Variants in RAB7B observed in about 807,000 individuals in gnomAD.
RAB7B encodes ras-related protein Rab-7b.
intron 4 of RAB7B, among the ~76,000 whole-genome samples, chr1:205,989,674 G>A (rs1204054066): frequency 6.6e-6 from 1 of 151,832 alleles, no homozygotes; most frequent in Non-Finnish European, 1.5e-5. Flanking sequence ...CGCCACCCCA[G>A]CCCTGGCCCT....
At chr1:205,982,084 C>A (rs917177164) in intron 5 of RAB7B, among the ~76,000 whole-genome samples, 2 of 152,370 alleles carry the variant, frequency 1.3e-5, no homozygotes, top group South Asian at 4.1e-4. Context: ...ATATTGCTCT[C>A]TTTACTACAA....
intron 4 of RAB7B, among the ~76,000 whole-genome samples, chr1:205,991,679 T>C (rs1660723751): frequency 6.6e-6 from 1 of 152,208 alleles, no homozygotes. Flanking sequence ...ATTTGAACCA[T>C]TGTGAAAATG....
At position 206,000,898 on chromosome 1, in the gene RAB7B, G is replaced by A. The variant is rs951145768; in HGVS notation, c.-17+2355C>T. Among the ~76,000 whole-genome samples, 10 of 152,342 alleles carry A rather than the reference G, an allele frequency of 6.6e-5. No homozygotes were observed. The South Asian group carries it at 1.0e-3, about 16-fold the overall frequency. On this transcript the variant is annotated intron_variant, in intron 1 of 5. Coordinates refer to ENST00000617070, the MANE Select transcript of RAB7B (RefSeq NM_001164522.3). Reference sequence around the variant, plus strand: ...CCCATGGAGCTGCCTCCCGCTCCTAGGAGTATTTCTCCTGAGGGCCACACA... The same window carrying A: ...CCCATGGAGCTGCCTCCCGCTCCTAAGAGTATTTCTCCTGAGGGCCACACA...
At chr1:205,980,647 A>G (rs1660473734) in intron 5 of RAB7B, among the ~76,000 whole-genome samples, 1 of 152,174 alleles carries the variant, frequency 6.6e-6, no homozygotes, top group African/African-American at 2.4e-5. Context: ...AGCTGCTGTG[A>G]TTCACTGAGC....
intron 4 of RAB7B, among the ~76,000 whole-genome samples, chr1:205,985,940 G>A (rs1167054919): frequency 2.0e-5 from 3 of 151,202 alleles, no homozygotes; most frequent in Middle Eastern, 3.4e-3. Flanking sequence ...ATGAAAAAAC[G>A]GAGGCCTGGA....
At chr1:205,993,001 C>G (rs1272145443) in intron 3 of RAB7B, among the ~76,000 whole-genome samples, 1 of 152,188 alleles carries the variant, frequency 6.6e-6, no homozygotes, top group Non-Finnish European at 1.5e-5. Flanking sequence ...TCGGGAATGT[C>G]TTGCCTAAGA....
At chr1:205,994,653 G>A (rs1010630308) in intron 1 of RAB7B, among the ~76,000 whole-genome samples, 9 of 152,284 alleles carry the variant, frequency 5.9e-5, no homozygotes, top group African/African-American at 1.4e-4. Context: ...TGCAGCTGGC[G>A]GGGGTGTAAT....
intron 1 of RAB7B, among the ~76,000 whole-genome samples, chr1:206,001,299 A>G (rs1356312067): frequency 2.0e-5 from 3 of 151,250 alleles, no homozygotes; most frequent in East Asian, 1.9e-4. Context: ...TTAGAATTGA[A>G]GTTTTTTATT....
At chr1:205,982,722 G>A (rs1014483800) in intron 5 of RAB7B, among the ~76,000 whole-genome samples, 5 of 152,068 alleles carry the variant, frequency 3.3e-5, no homozygotes, top group African/African-American at 1.2e-4. Flanking sequence ...CCAGCTGGGG[G>A]CTCACTCCTT....
intron 5 of RAB7B, among the ~76,000 whole-genome samples, chr1:205,981,353 A>G: frequency 6.6e-6 from 1 of 152,356 alleles, no homozygotes; most frequent in East Asian, 1.9e-4. Context: ...TACTAAAGTA[A>G]TCTACCTTTC....
chr1:205,987,661 A>G, intron 4 of RAB7B, among the ~76,000 whole-genome samples: 2 of 152,238 alleles, frequency 1.3e-5, no homozygotes, highest in East Asian at 3.8e-4. Flanking sequence ...TACCCACCTG[A>G]GCACAGAGCA....
At chr1:205,999,554 T>A (rs1660858151) in intron 1 of RAB7B, among the ~76,000 whole-genome samples, 1 of 152,182 alleles carries the variant, frequency 6.6e-6, no homozygotes, top group Non-Finnish European at 1.5e-5. Context: ...TTTTGGAAGG[T>A]AATTGGACAA....
intron 1 of RAB7B, among the ~76,000 whole-genome samples, chr1:205,997,334 G>A (rs1167279786): frequency 6.6e-6 from 1 of 152,198 alleles, no homozygotes; most frequent in Admixed American, 6.5e-5. Context: ...CAGCACCGCA[G>A]GAGAGGCACA....
intron 4 of RAB7B, among the ~76,000 whole-genome samples, chr1:205,987,587 A>G (rs1265753440): frequency 6.6e-6 from 1 of 152,244 alleles, no homozygotes; most frequent in African/African-American, 2.4e-5. Context: ...ATCACTAAGA[A>G]TAACAAAGGA....
chr1:205,995,539 C>A (rs931424124), intron 1 of RAB7B, among the ~76,000 whole-genome samples: 2 of 152,044 alleles, frequency 1.3e-5, no homozygotes, highest in African/African-American at 4.8e-5. Context: ...GGTACATGTA[C>A]ACAACGGATA....
At chr1:205,996,540 A>G (rs1214142579) in intron 1 of RAB7B, among the ~76,000 whole-genome samples, 2 of 152,284 alleles carry the variant, frequency 1.3e-5, no homozygotes, top group East Asian at 3.9e-4. Context: ...TTGGTGAAAA[A>G]TGCTTTATCT....
Position 206,002,315 on chromosome 1 carries a change from CT to C in RAB7B, c.-17+937del, listed in dbSNP as rs1365360330. ...TTTCAGGAGGCTTGGCGCTCTTGTT[CT>C]TTAGGTTATTTGAGGATCTTGTCTC... On this transcript the variant is annotated intron_variant, in intron 1 of 5. Coordinates refer to ENST00000617070, the MANE Select transcript of RAB7B (RefSeq NM_001164522.3). Among the ~76,000 whole-genome samples, 8 of 152,304 alleles carry C rather than the reference CT, an allele frequency of 5.3e-5. No homozygotes were observed. The East Asian group carries it at 1.5e-3, about 29-fold the overall frequency.
intron 1 of RAB7B, among the ~76,000 whole-genome samples, chr1:205,998,114 G>A (rs1236374131): frequency 6.6e-6 from 1 of 152,166 alleles, no homozygotes; most frequent in Admixed American, 6.5e-5. Flanking sequence ...CCAGCACTTT[G>A]GGAGGCCAAG....
chr1:205,988,343 C>A (rs1479989399), intron 4 of RAB7B, among the ~76,000 whole-genome samples: 2 of 151,180 alleles, frequency 1.3e-5, no homozygotes, highest in East Asian at 3.9e-4. Context: ...ATCCTCCCAG[C>A]TCAGCCTTCC....
Sources: gnomAD v4.1 joint callset for allele counts (sites outside exome capture counted in the v4.1 genomes callset) on GRCh38, gnomAD v4.1.1 for gene constraint, MANE v1.5 for transcripts, NCBI Gene and HGNC (gene_info 2026-07-23, HGNC 2026-07-21) for gene names.